NUTM1: variants seen among roughly 807,000 people sequenced by gnomAD.
NUTM1 encodes NUT midline carcinoma family member 1.
NUTM1 carries 39 observed loss-of-function variants against 88.7 expected under a neutral mutation model. The ratio of observed to expected loss-of-function variants is 0.44; its 90% CI spans 0.34 to 0.57. The LOEUF (loss-of-function observed/expected upper bound fraction) is 0.57. Among genes scored for constraint, NUTM1 ranks in the 20% least tolerant of loss-of-function variants. NUTM1 has a pLI of 0.01. For missense variants in NUTM1, 1,350 were observed against 1,414.5 expected (o/e 0.95, Z 0.73); for synonymous variants, 494 against 538.0 (o/e 0.92, Z 1.13).
rs1223873763 is a variant in NUTM1 at position 34,348,501 on chromosome 15, T to A, written c.633T>A (p.His211Gln). The change falls in exon 3 of 8, where the codon CAT (histidine) becomes CAA (glutamine). Residue 211 changes from histidine to glutamine, a missense_variant. His to Gln is a conservative substitution (Grantham distance 24, BLOSUM62 0). Coordinates refer to ENST00000537011, the MANE Select transcript of NUTM1 (RefSeq NM_001284292.2). Reference protein sequence around the residue: ...VPLEKAWPGPHGTTGEGGPVA... With the variant: ...VPLEKAWPGPQGTTGEGGPVA... ...TGGAAAAAGCTTGGCCAGGGCCACA[T>A]GGGACAACCGGGGAAGGAGGTCCTG... is the stretch of plus-strand genomic sequence containing the variant. 1.9e-6 allele frequency: 3 copies of A among 1,614,198 alleles called. No individual in the cohort carries two copies.
rs144692942 is a variant in NUTM1, at chr15:34,355,668, G to A, written c.1660G>A (p.Val554Ile). 125 of 1,608,880 alleles carry A rather than the reference G, an allele frequency of 7.8e-5. No homozygotes were observed. Among genetic ancestry groups the A allele is most frequent in the Non-Finnish European group, 9.0e-5 (106 of 1,177,350 alleles). ...GAGGAACLGK[V>I]SSSGKRAREV... ...TGGGGGCGCCGCTTGCCTTGGAAAG[G>A]TTTCTTCTTCAGGAAAACGGGCAAG... Residue 554 changes from valine (V) to isoleucine (I), a missense_variant, in exon 8 of 8, where the codon GTT (valine) becomes ATT (isoleucine). Coordinates refer to ENST00000537011, the MANE Select transcript of NUTM1 (RefSeq NM_001284292.2). The surrounding 1 kb of genome is among the most constrained non-coding windows in gnomAD (Gnocchi z 4.3).
intron 3 of NUTM1, among the ~76,000 whole-genome samples, chr15:34,349,800 T>C (rs1890673821): frequency 6.6e-6 from 1 of 152,262 alleles, no homozygotes; most frequent in Non-Finnish European, 1.5e-5. Flanking sequence ...TCAGGCTCCC[T>C]GCTTTCTCAA....
Position 34,355,948 on chromosome 15 carries a change from C to T in NUTM1, c.1940C>T (p.Ala647Val), listed in dbSNP as rs558120244. The T allele has an allele frequency of 1.2e-6, 2 of 1,614,126 alleles. No individual in the cohort carries two copies. Among genetic ancestry groups the T allele is most frequent in the East Asian group, 2.2e-5 (1 of 44,878 alleles). ...CTGGTGGCTGATAGGACTTCAGAGG[C>T]TCTGCCCCTTTGTTGGCAGGGAGGC... is the stretch of plus-strand genomic sequence containing the variant. The part of the protein sequence containing the change: ...HCLVADRTSE[A>V]LPLCWQGGFQ... The change falls in exon 8 of 8, where the codon GCT (alanine) becomes GTT (valine). Residue 647 changes from alanine (A) to valine (V), a missense_variant. Physicochemically the swap from Ala to Val is moderately conservative, Grantham distance 64. Around this residue, in one of 5 missense-constraint regions of NUTM1, gnomAD observed 730 missense variants for 728.8 expected, o/e 1.00. Coordinates refer to ENST00000537011, the MANE Select transcript of NUTM1 (RefSeq NM_001284292.2). The surrounding 1 kb of genome is among the most constrained non-coding windows in gnomAD (Gnocchi z 4.3).
At chr15:34,352,122 A>T (rs2140157117) in intron 4 of NUTM1, among the ~76,000 whole-genome samples, 1 of 152,354 alleles carries the variant, frequency 6.6e-6, no homozygotes, top group East Asian at 1.9e-4. Flanking sequence ...GTGAGCCGAG[A>T]TTGTGCCATT....
chr15:34,348,355 A>G lies in NUTM1; in HGVS notation c.487A>G (p.Thr163Ala), dbSNP rs1685747692. 1 of 1,614,214 alleles carries G rather than the reference A, an allele frequency of 6.2e-7. No homozygotes were observed. Among genetic ancestry groups the G allele is most frequent in the Non-Finnish European group, 8.5e-7 (1 of 1,180,036 alleles). ...GLEGPAPPFV[T>A]ASNVKTILPS... ...TGAGGGTCCTGCACCTCCATTTGTG[A>G]CAGCATCTAATGTGAAGACCATTCT... is the stretch of plus-strand genomic sequence containing the variant. Residue 163 changes from threonine (T) to alanine (A), a missense_variant, in exon 3 of 8, where the codon ACA becomes GCA. Coordinates refer to ENST00000537011, the MANE Select transcript of NUTM1 (RefSeq NM_001284292.2).
rs767942265 is a variant in NUTM1, at chr15:34,355,759, C to T, written c.1751C>T (p.Thr584Ile). The T allele has an allele frequency of 1.2e-6, 2 of 1,614,088 alleles. No individual in the cohort carries two copies. Among genetic ancestry groups the T allele is most frequent in the Non-Finnish European group, 1.7e-6 (2 of 1,180,020 alleles). Residue 584 changes from threonine to isoleucine, a missense_variant, in exon 8 of 8, where the codon ACT (threonine) becomes ATT (isoleucine). Thr to Ile is a moderately conservative substitution (Grantham distance 89, BLOSUM62 -1). This residue lies in a region of NUTM1 where 730 missense variants were observed against 728.8 expected (regional missense o/e 1.00). Transcript: ENST00000537011. The surrounding 1 kb of genome is among the most constrained non-coding windows in gnomAD (Gnocchi z 4.3). ...AGAGGGATGCACAGGGATGGGAACA[C>T]TCTGCCATCCCCCAGCAGCTGGGAC... ...SPRGMHRDGNTLPSPSSWDLQ... is the reference protein window; with the variant it reads ...SPRGMHRDGNILPSPSSWDLQ...
chr15:34,356,484 G>C lies in NUTM1; in HGVS notation c.2476G>C (p.Glu826Gln), dbSNP rs1167658429. ...AGGCACAGTTGCGGCAGCTGCCCTA[G>C]AAAAGAGAAACTATTGCAGCTTGCC... ...CGGTVAAAAL[E>Q]KRNYCSLPGP... Residue 826 changes from glutamate to glutamine, a missense_variant, in exon 8 of 8, where the codon GAA becomes CAA. Around this residue, in one of 5 missense-constraint regions of NUTM1, gnomAD observed 730 missense variants for 728.8 expected, o/e 1.00. Transcript: ENST00000537011. 1 of 1,613,896 alleles carries C rather than the reference G, an allele frequency of 6.2e-7. No homozygotes were observed. Among genetic ancestry groups the C allele is most frequent in the African/African-American group, 1.3e-5 (1 of 75,044 alleles).
intron 3 of NUTM1, among the ~76,000 whole-genome samples, chr15:34,350,388 C>T (rs1890683067): frequency 6.6e-6 from 1 of 152,198 alleles, no homozygotes. Flanking sequence ...CGCGAGTCCT[C>T]CCTTTCTAAT....
In NUTM1 at chr15:34,356,266, G is replaced by A; in HGVS notation, c.2258G>A (p.Ser753Asn). 1 of 1,611,666 alleles carries A rather than the reference G, an allele frequency of 6.2e-7. No individual in the cohort carries two copies. The stretch of plus-strand genomic sequence containing the variant: ...TGTCTCAGCCCAGGAGTTTGGCTGA[G>A]CAGTGAGATGGATGCTGTAGGCTTG... Reference protein sequence around the residue: ...DVCLSPGVWLSSEMDAVGLEL... With the variant: ...DVCLSPGVWLNSEMDAVGLEL... The change falls in exon 8 of 8, where the codon AGC (serine) becomes AAC (asparagine). Residue 753 changes from serine to asparagine, a missense_variant. Coordinates refer to ENST00000537011, the MANE Select transcript of NUTM1 (RefSeq NM_001284292.2).
In NUTM1 at chr15:34,356,501, C is replaced by G; in HGVS notation, c.2493C>G (p.Cys831Trp). ...AAAALEKRNYCSLPGPLRANS... is the reference protein window; with the variant it reads ...AAAALEKRNYWSLPGPLRANS... Reference sequence around the variant, plus strand: ...CTGCCCTAGAAAAGAGAAACTATTGCAGCTTGCCAGGACCTTTGAGGGCCA... The same window carrying G: ...CTGCCCTAGAAAAGAGAAACTATTGGAGCTTGCCAGGACCTTTGAGGGCCA... Residue 831 changes from cysteine to tryptophan, a missense_variant, in exon 8 of 8, where the codon TGC becomes TGG. Cys to Trp is a radical substitution (Grantham distance 215). Transcript: ENST00000537011. The G allele has an allele frequency of 6.2e-7, 1 of 1,613,984 alleles. No individual in the cohort carries two copies. The highest frequency in any genetic ancestry group is 2.2e-5 in the East Asian group (1 of 44,864).
At chr15:34,344,999 CAG>C (rs1412486597) in intron 1 of NUTM1, among the ~76,000 whole-genome samples, 1 of 151,346 alleles carries the variant, frequency 6.6e-6, no homozygotes, top group Non-Finnish European at 1.5e-5. Flanking sequence ...GCCTGGGTGA[CAG>C]AGCGAGACTC....
At chr15:34,348,742 C>CAT in intron 3 of NUTM1, 65 bp downstream of exon 3, 1 of 1,222,658 alleles carries the variant, frequency 8.2e-7, no homozygotes, top group South Asian at 1.3e-5. Context: ...TTGGGGTGAA[C>CAT]ATAGTAGTTT....
chr15:34,352,594 T>C (rs552890736), intron 4 of NUTM1, among the ~76,000 whole-genome samples: 481 of 147,900 alleles, frequency 3.3e-3, no homozygotes, highest in African/African-American at 0.012. Context: ...GTCAGGAGAT[T>C]GAGACCATTC....
In NUTM1 at chr15:34,355,090, G is replaced by C. The variant is rs1384125447; in HGVS notation, c.1432G>C (p.Ala478Pro). The C allele has an allele frequency of 6.2e-7, 1 of 1,613,924 alleles. No individual in the cohort carries two copies. The highest frequency in any genetic ancestry group is 8.5e-7 in the Non-Finnish European group (1 of 1,179,926). Residue 478 changes from alanine (A) to proline (P), a missense_variant, in exon 7 of 8, where the codon GCC becomes CCC. By Grantham distance (27) the Ala-to-Pro change is conservative. Around this residue, in one of 5 missense-constraint regions of NUTM1, gnomAD observed 126 missense variants for 189.8 expected, o/e 0.66. Coordinates refer to ENST00000537011, the MANE Select transcript of NUTM1 (RefSeq NM_001284292.2). This position sits in a 1 kb window ranked among gnomAD's most constrained non-coding sequence, Gnocchi z 4.3. ...CCCAGAAAAACAGAGAGATCCCTTG[G>C]CCTTAATTGAGGAGCTAGAGCAAGA... ...LSPEKQRDPL[A>P]LIEELEQEEG...
chr15:34,357,382 C>G lies in NUTM1; in HGVS notation c.3374C>G (p.Pro1125Arg), dbSNP rs753868719. The change falls in exon 8 of 8, where the codon CCC (proline) becomes CGC (arginine). Residue 1125 changes from proline (P) to arginine (R), a missense_variant. Transcript: ENST00000537011. ...TPHSGAQLGV[P>R]REKPLALGVV... Reference sequence around the variant, plus strand: ...CACTCAGGAGCTCAACTTGGGGTCCCCAGGGAGAAACCCCTAGCTCTGGGA... The same window carrying G: ...CACTCAGGAGCTCAACTTGGGGTCCGCAGGGAGAAACCCCTAGCTCTGGGA... 1.2e-6 allele frequency: 2 copies of G among 1,614,202 alleles called. No individual in the cohort carries two copies. The highest frequency in any genetic ancestry group is 3.3e-5 in the Admixed American group (2 of 60,024).
intron 3 of NUTM1, among the ~76,000 whole-genome samples, chr15:34,349,519 C>A (rs1316258992): frequency 6.6e-6 from 1 of 152,152 alleles, no homozygotes; most frequent in Non-Finnish European, 1.5e-5. Context: ...AGTCAAGGAG[C>A]CCAGGGTCCT....
chr15:34,347,823 A>C (rs1032454837), intron 2 of NUTM1, 146 bp from the exon 3 acceptor site: 1 of 468,472 alleles, frequency 2.1e-6, no homozygotes, highest in Non-Finnish European at 3.6e-6. Flanking sequence ...ACTGCACTCC[A>C]GCCTGGGCGA....
In NUTM1 at chr15:34,354,888, C is replaced by A. The variant is rs78367869; in HGVS notation, c.1363-133C>A. On this transcript the variant is annotated intron_variant, in intron 6 of 7. Coordinates refer to ENST00000537011, the MANE Select transcript of NUTM1 (RefSeq NM_001284292.2). ...GCATCATCATGAGAATGTGTGTAGC[C>A]GGTGGTGGTCAGTTTACAATACCGG... 934 of 1,004,932 alleles carry A rather than the reference C, an allele frequency of 9.3e-4. 1 individual carries two copies. The highest frequency in any genetic ancestry group is 1.3e-3 in the Non-Finnish European group (868 of 644,516). The allele number at this position is 1,004,932 out of a possible 1,614,324, so 62.3% of individuals were successfully genotyped here. A position where few individuals can be genotyped will look rare whatever the true frequency, so the allele number is the denominator to read the frequency against.
At position 34,348,277 on chromosome 15, in the gene NUTM1, C is replaced by G; in HGVS notation, c.409C>G (p.Leu137Val). The G allele has an allele frequency of 6.2e-7, 1 of 1,614,232 alleles. No individual in the cohort carries two copies. ...GCCCTCTCAAACTCAGAACTTTATC[C>G]TTACTCAGACTGCCCTCAATTCGAC... ...AEPSQTQNFI[L>V]TQTALNSTAP... The change falls in exon 3 of 8, where the codon CTT becomes GTT. Residue 137 changes from leucine to valine, a missense_variant. Leu to Val is a conservative substitution (Grantham distance 32). Coordinates refer to ENST00000537011, the MANE Select transcript of NUTM1 (RefSeq NM_001284292.2).
Sources: allele counts gnomAD v4.1 joint callset (sites outside exome capture counted in the v4.1 genomes callset), GRCh38; gene constraint gnomAD v4.1.1; regional missense constraint gnomAD v4.1.1; non-coding constraint Gnocchi (gnomAD v3.1); transcripts MANE v1.5; gene names NCBI Gene and HGNC (gene_info 2026-07-23, HGNC 2026-07-21).